SMURF2: variants seen among roughly 807,000 people sequenced by gnomAD.
The protein encoded by SMURF2 is E3 ubiquitin-protein ligase SMURF2.
A neutral mutation model predicts 109.6 loss-of-function variants in SMURF2; 48 were observed. The observed-to-expected ratio is 0.44, with a 90% CI of 0.35 to 0.56. The LOEUF (loss-of-function observed/expected upper bound fraction) is 0.56, where lower values mean the gene tolerates loss of function less well. Ranked by LOEUF, SMURF2 falls within the 20% of genes least tolerant of loss-of-function variation. The probability of loss-of-function intolerance (pLI) is 0.01; values close to 1 mark genes in which losing one functional copy is unlikely to be tolerated. For missense variants in SMURF2, 575 were observed against 909.0 expected, an observed-to-expected ratio of 0.63 and a Z score of 4.72; for synonymous variants, 288 against 317.1, an observed-to-expected ratio of 0.91 and a Z score of 0.97.
At chr17:64,555,612 T>C (rs1190123797) in intron 14 of SMURF2, among the ~76,000 whole-genome samples, 1 of 152,216 alleles carries the variant, frequency 6.6e-6, no homozygotes, top group African/African-American at 2.4e-5. Flanking sequence ...AGTTGTTTTT[T>C]CCTTTTTAAA....
intron 9 of SMURF2, among the ~76,000 whole-genome samples, chr17:64,576,819 G>A (rs1366389927): frequency 1.2e-4 from 16 of 131,638 alleles, no homozygotes; most frequent in African/African-American, 1.4e-4. Context: ...CCTACTACCC[G>A]TTTTTAAAGG....
chr17:64,608,043 A>AAATCAATCAATC (rs782109804), intron 1 of SMURF2, among the ~76,000 whole-genome samples: 10 of 148,926 alleles, frequency 6.7e-5, no homozygotes, highest in African/African-American at 2.5e-4. Context: ...ATAAATAAAT[A>AAATCAATCAATC]AATCTGCTTA....
intron 1 of SMURF2, among the ~76,000 whole-genome samples, chr17:64,618,317 A>G (rs1970153315): frequency 6.6e-6 from 1 of 152,214 alleles, no homozygotes; most frequent in Admixed American, 6.5e-5. Context: ...CAAGCAGCAC[A>G]TTCAGTATGA....
rs1969607026 is a variant in SMURF2 at position 64,583,618 on chromosome 17, C to T, written c.486-74G>A. The T allele has an allele frequency of 3.7e-6, 4 of 1,072,424 alleles. No homozygotes were observed. The South Asian group carries it at 5.1e-5, about 14-fold the overall frequency. The allele number at this position is 1,072,424 out of a possible 1,614,324, so 66.4% of individuals were successfully genotyped here. ...CAGTGCAACAAGCAAGCCAGTAAGA[C>T]ATCTGCTGTTACAAATCGGGAATGC... is the stretch of plus-strand genomic sequence containing the variant. On this transcript the variant is annotated intron_variant, in intron 6 of 18. Coordinates refer to ENST00000262435, the MANE Select transcript of SMURF2 (RefSeq NM_022739.4).
At position 64,640,129 on chromosome 17, in the gene SMURF2, A is replaced by G. The variant is rs186130295; in HGVS notation, c.52+21700T>C. Among the ~76,000 whole-genome samples, 5 of 152,340 alleles carry G rather than the reference A, an allele frequency of 3.3e-5. No homozygotes were observed. In the East Asian group the frequency reaches 7.7e-4, roughly 23 times the overall value. ...GACTTACAGGTTTTTCTATACATCTAAAAGTATTCTAAAATCAAAAGTTTA... is the reference window on the plus strand; with the variant it reads ...GACTTACAGGTTTTTCTATACATCTGAAAGTATTCTAAAATCAAAAGTTTA... On this transcript the variant is annotated intron_variant, in intron 1 of 18. Transcript: ENST00000262435.
At position 64,584,361 on chromosome 17, in the gene SMURF2, C is replaced by CTTTTTTTTTT. The variant is rs372682588; in HGVS notation, c.486-827_486-818dup. Among the ~76,000 whole-genome samples the CTTTTTTTTTT allele has an allele frequency of 2.9e-3, 325 of 112,692 alleles. 17 individuals are homozygous for CTTTTTTTTTT. Among genetic ancestry groups the CTTTTTTTTTT allele is most frequent in the African/African-American group, 0.01 (277 of 26,826 alleles). 73.9% of individuals were successfully genotyped at this position (112,692 alleles called of 152,430 possible). On this transcript the variant is annotated intron_variant, in intron 6 of 18. Transcript: ENST00000262435. Reference sequence around the variant, plus strand: ...CGAAACAGCTACTTTCTTTTTTTTTCTTTTTTTTTTTTTTTTGAGACAGAG... The same window carrying CTTTTTTTTTT: ...CGAAACAGCTACTTTCTTTTTTTTTCTTTTTTTTTTTTTTTTTTTTTTTTTTGAGACAGAG...
At chr17:64,563,778 T>C (rs932475890) in intron 10 of SMURF2, among the ~76,000 whole-genome samples, 1 of 152,208 alleles carries the variant, frequency 6.6e-6, no homozygotes, top group African/African-American at 2.4e-5. Flanking sequence ...CATCCATTTT[T>C]AAATTTTTTT....
chr17:64,635,234 C>A (rs539505669), intron 1 of SMURF2, among the ~76,000 whole-genome samples: 1 of 151,898 alleles, frequency 6.6e-6, no homozygotes, highest in South Asian at 2.1e-4. Context: ...GGCTGAGGCA[C>A]GAGAATTGCT....
rs201858792 is a variant in SMURF2, at chr17:64,596,585, C to CAAAAAA, written c.200+1791_200+1796dup. ...AAGTTCACCGAAACAGGAGAGTAAA[C>CAAAAAA]AAAAAAAAAAAAAAAAAAAAAAAAG... On this transcript the variant is annotated intron_variant, in intron 3 of 18. Transcript: ENST00000262435. Among the ~76,000 whole-genome samples the CAAAAAA allele has an allele frequency of 1.8e-4, 8 of 45,464 alleles. 1 individual carries two copies. The highest frequency in any genetic ancestry group is 3.1e-4 in the Non-Finnish European group (6 of 19,580). 29.8% of individuals were successfully genotyped at this position (45,464 alleles called of 152,430 possible).
chr17:64,653,518 T>A (rs1970665616), intron 1 of SMURF2, among the ~76,000 whole-genome samples: 1 of 151,900 alleles, frequency 6.6e-6, no homozygotes, highest in Non-Finnish European at 1.5e-5. Context: ...TGCAGTGGTG[T>A]GAGCACAGCA....
At chr17:64,587,317 C>T (rs1170539750) in intron 5 of SMURF2, among the ~76,000 whole-genome samples, 2 of 152,166 alleles carry the variant, frequency 1.3e-5, no homozygotes, top group African/African-American at 2.4e-5. Flanking sequence ...AAAACCACCA[C>T]AAAGAACGAA....
At chr17:64,597,178 G>C (rs1340807866) in intron 3 of SMURF2, among the ~76,000 whole-genome samples, 2 of 152,020 alleles carry the variant, frequency 1.3e-5, no homozygotes, top group African/African-American at 4.8e-5. Flanking sequence ...GGCCAAGGAG[G>C]GAGAATCTTG....
At chr17:64,632,545 T>G (rs1455371957) in intron 1 of SMURF2, among the ~76,000 whole-genome samples, 5 of 152,178 alleles carry the variant, frequency 3.3e-5, no homozygotes, top group African/African-American at 1.2e-4. Flanking sequence ...AAACAAAAAC[T>G]TCTCTTAATT....
chr17:64,641,438 C>T (rs1430869263), intron 1 of SMURF2, among the ~76,000 whole-genome samples: 1 of 152,180 alleles, frequency 6.6e-6, no homozygotes, highest in East Asian at 1.9e-4. Flanking sequence ...TTTGAAACTT[C>T]TTCTATCAAG....
intron 15 of SMURF2, 66 bp downstream of exon 15, chr17:64,554,790 G>T: frequency 6.8e-7 from 1 of 1,473,080 alleles, no homozygotes; most frequent in Non-Finnish European, 9.4e-7. Flanking sequence ...AAATATTTAA[G>T]TTTGTTCATA....
intron 10 of SMURF2, among the ~76,000 whole-genome samples, chr17:64,563,532 C>T (rs765388626): frequency 3.3e-5 from 5 of 152,168 alleles, no homozygotes; most frequent in Admixed American, 1.3e-4. Context: ...TTACCGTGTA[C>T]ATAAATGCAT....
In SMURF2 at chr17:64,662,125, C is replaced by A; in HGVS notation, c.-245G>T. 2 of 1,037,978 alleles carry A rather than the reference C, an allele frequency of 1.9e-6. No homozygotes were observed. Among genetic ancestry groups the A allele is most frequent in the African/African-American group, 1.7e-5 (1 of 58,112 alleles). 64.3% of individuals were successfully genotyped at this position (1,037,978 alleles called of 1,614,324 possible). A position where few individuals can be genotyped will look rare whatever the true frequency, so the allele number is the denominator to read the frequency against. The stretch of plus-strand genomic sequence containing the variant: ...CCGCACAACAAAGCGGCAGCCGCGG[C>A]CGCCCGCGCCGCCTCCGCCCGCGCC... On this transcript the variant is annotated 5_prime_UTR_variant, in exon 1 of 19. Coordinates refer to ENST00000262435, the MANE Select transcript of SMURF2 (RefSeq NM_022739.4).
intron 1 of SMURF2, among the ~76,000 whole-genome samples, chr17:64,621,936 T>A (rs1201980111): frequency 7.1e-6 from 1 of 141,774 alleles, no homozygotes; most frequent in African/African-American, 2.7e-5. Context: ...AAAAGCACTG[T>A]AGTGAGCCAT....
intron 2 of SMURF2, among the ~76,000 whole-genome samples, chr17:64,601,794 A>T (rs1969900475): frequency 6.6e-6 from 1 of 151,892 alleles, no homozygotes; most frequent in Non-Finnish European, 1.5e-5. Context: ...ATACTGAAGC[A>T]GCCCAAACAC....
Sources: gnomAD v4.1 joint callset for allele counts (sites outside exome capture counted in the v4.1 genomes callset) on GRCh38, gnomAD v4.1.1 for gene constraint, MANE v1.5 for transcripts, NCBI Gene and HGNC (gene_info 2026-07-23, HGNC 2026-07-21) for gene names.